Variants in PAFAH1B2 observed in about 807,000 individuals in gnomAD.
PAFAH1B2 encodes the protein platelet-activating factor acetylhydrolase IB subunit alpha2.
Under a neutral mutation model 28.0 loss-of-function variants are expected in PAFAH1B2, and 8 were observed. The observed-to-expected ratio is 0.29, with a 90% CI of 0.17 to 0.52. The LOEUF (loss-of-function observed/expected upper bound fraction) is 0.52, where lower values mean the gene tolerates loss of function less well. Ranked by LOEUF, PAFAH1B2 falls within the 20% of genes least tolerant of loss-of-function variation. PAFAH1B2 has a pLI of 0.97. For synonymous variants in PAFAH1B2, 104 were observed against 103.2 expected (o/e 1.01, Z -0.05); for missense variants, 190 against 282.6 (o/e 0.67, Z 2.35).
rs1956600700 is a variant in PAFAH1B2, at chr11:117,169,561, T to C, written c.*1862T>C. 4.7e-6 allele frequency: 5 copies of C among 1,055,820 alleles called. No homozygotes were observed. The highest frequency in any genetic ancestry group is 5.7e-6 in the Non-Finnish European group (5 of 873,268). The allele number at this position is 1,055,820 out of a possible 1,614,324, so 65.4% of individuals were successfully genotyped here. A position where few individuals can be genotyped will look rare whatever the true frequency, so the allele number is the denominator to read the frequency against. ...ATGAACCTTGGGCTCATTTTTTTCT[T>C]GTGAAGTCTCTTTCTAGAAAATTTT... On this transcript the variant is annotated 3_prime_UTR_variant, in exon 6 of 6. Coordinates refer to ENST00000527958, the MANE Select transcript of PAFAH1B2 (RefSeq NM_002572.4).
rs1433862054 is a variant in PAFAH1B2, at chr11:117,168,215, C to CTTGTGG, written c.*520_*521insGGTTGT. ...AACATGTAGCATCAGGTTGAACATG[C>CTTGTGG]TTGTCATTGATATATGGAAGATGCT... is the stretch of plus-strand genomic sequence containing the variant. On this transcript the variant is annotated 3_prime_UTR_variant, in exon 6 of 6. Coordinates refer to ENST00000527958, the MANE Select transcript of PAFAH1B2 (RefSeq NM_002572.4). The CTTGTGG allele has an allele frequency of 9.5e-7, 1 of 1,055,190 alleles. No homozygotes were observed. The highest frequency in any genetic ancestry group is 1.1e-6 in the Non-Finnish European group (1 of 871,530). The allele number at this position is 1,055,190 out of a possible 1,614,324, so 65.4% of individuals were successfully genotyped here.
chr11:117,171,657 G>C, downstream of PAFAH1B2: 1 of 1,490,646 alleles, frequency 6.7e-7, no homozygotes, highest in Non-Finnish European at 9.0e-7. Context: ...CTATCTCAGA[G>C]ATAGTGAGAC....
chr11:117,163,973 A>C, intron 5 of PAFAH1B2, 81 bp downstream of exon 5: 2 of 1,431,412 alleles, frequency 1.4e-6, no homozygotes, highest in South Asian at 2.4e-5. Flanking sequence ...TTGCTCATGA[A>C]TATTAGAGAA....
downstream of PAFAH1B2, chr11:117,175,981 C>G (rs762103428): frequency 2.7e-6 from 4 of 1,486,808 alleles, no homozygotes; most frequent in South Asian, 2.4e-5. Context: ...TACACTGATT[C>G]TCCAAACTTG....
chr11:117,174,861 C>T (rs538329222), downstream of PAFAH1B2: 91 of 1,404,980 alleles, frequency 6.5e-5, no homozygotes, highest in South Asian at 9.2e-5. Context: ...ATGATCCAAC[C>T]GCCTTGGCCT....
intron 5 of PAFAH1B2, among the ~76,000 whole-genome samples, chr11:117,164,652 C>A (rs2134208342): frequency 6.6e-6 from 1 of 152,252 alleles, no homozygotes; most frequent in East Asian, 1.9e-4. Flanking sequence ...TATAGTTGTA[C>A]CCTGAACAGA....
intron 1 of PAFAH1B2, among the ~76,000 whole-genome samples, chr11:117,149,142 C>G (rs2134168013): frequency 6.6e-6 from 1 of 151,088 alleles, no homozygotes; most frequent in East Asian, 2.0e-4. Context: ...CTCGGGCTCC[C>G]AAAGTGTTAG....
At chr11:117,149,773 ATAAT>A (rs375440783) in intron 1 of PAFAH1B2, among the ~76,000 whole-genome samples, 58 of 152,030 alleles carry the variant, frequency 3.8e-4, no homozygotes, top group African/African-American at 1.4e-3. Flanking sequence ...AGGCTTCACT[ATAAT>A]TTAAGATTCA....
At chr11:117,150,422 T>A (rs1162219838) in intron 1 of PAFAH1B2, among the ~76,000 whole-genome samples, 2 of 152,102 alleles carry the variant, frequency 1.3e-5, no homozygotes, top group Non-Finnish European at 2.9e-5. Flanking sequence ...AGTGCTAGGA[T>A]TACAGGCATG....
chr11:117,167,315 G>A (rs945309232), intron 5 of PAFAH1B2, 106 bp from the exon 6 acceptor site: 8 of 1,161,438 alleles, frequency 6.9e-6, no homozygotes, highest in African/African-American at 6.2e-5. Context: ...ACTCAAAGGT[G>A]TAGAAAGTGC....
intron 5 of PAFAH1B2, among the ~76,000 whole-genome samples, chr11:117,164,484 CAT>C (rs1485866561): frequency 1.3e-5 from 2 of 151,906 alleles, no homozygotes; most frequent in South Asian, 2.1e-4. Flanking sequence ...CACAATGGCA[CAT>C]GAGATTTGTC....
At chr11:117,144,957 C>T (rs1048544747) in intron 1 of PAFAH1B2, among the ~76,000 whole-genome samples, 3 of 152,220 alleles carry the variant, frequency 2.0e-5, no homozygotes, top group Non-Finnish European at 4.4e-5. Flanking sequence ...AGCACTTTTC[C>T]CTCCTCCTTT....
At chr11:117,156,599 G>A (rs1429611773) in intron 2 of PAFAH1B2, among the ~76,000 whole-genome samples, 1 of 152,084 alleles carries the variant, frequency 6.6e-6, no homozygotes, top group Non-Finnish European at 1.5e-5. Context: ...TAGATGTGTT[G>A]TTTTGGTCCT....
chr11:117,161,516 T>TC (rs530275241), intron 4 of PAFAH1B2, among the ~76,000 whole-genome samples: 1 of 151,512 alleles, frequency 6.6e-6, no homozygotes, highest in African/African-American at 2.4e-5. Context: ...GGAAGAGTTT[T>TC]TTTTTTTTTT....
chr11:117,164,064 C>G (rs1956440492), intron 5 of PAFAH1B2, 172 bp downstream of exon 5: 1 of 621,506 alleles, frequency 1.6e-6, no homozygotes, highest in Admixed American at 2.8e-5. Context: ...TTCATCATTC[C>G]CCATACCAGC....
intron 2 of PAFAH1B2, 194 bp from the exon 3 acceptor site, chr11:117,159,740 A>AAAAAAAAAAAAG: frequency 2.0e-6 from 1 of 506,744 alleles, no homozygotes; most frequent in Non-Finnish European, 3.5e-6. Context: ...GTCTTAGAAA[A>AAAAAAAAAAAAG]AAAAAAAAAA....
intron 1 of PAFAH1B2, among the ~76,000 whole-genome samples, chr11:117,148,749 C>A (rs182685516): frequency 2.0e-5 from 3 of 152,084 alleles, no homozygotes; most frequent in Admixed American, 2.0e-4. Flanking sequence ...ATAGTGAGAC[C>A]CTTCTCTTAT....
chr11:117,144,966 T>C (rs1459557057), intron 1 of PAFAH1B2, among the ~76,000 whole-genome samples: 1 of 152,238 alleles, frequency 6.6e-6, no homozygotes, highest in Non-Finnish European at 1.5e-5. Context: ...CCCTCCTCCT[T>C]TTGTTGAAAA....
chr11:117,153,379 T>TTG (rs1555029010), intron 2 of PAFAH1B2, among the ~76,000 whole-genome samples: 1 of 151,742 alleles, frequency 6.6e-6, no homozygotes, highest in Non-Finnish European at 1.5e-5. Flanking sequence ...TAGTTTTTTT[T>TTG]TTGTTGTTGT....
Sources: gnomAD v4.1 joint callset for allele counts (sites outside exome capture counted in the v4.1 genomes callset) on GRCh38, gnomAD v4.1.1 for gene constraint, MANE v1.5 for transcripts, NCBI Gene and HGNC (gene_info 2026-07-23, HGNC 2026-07-21) for gene names.